Variants in KSR1 observed in about 807,000 individuals in gnomAD.
KSR1 encodes kinase suppressor of ras 1.
In KSR1, 35 loss-of-function variants were observed where a neutral mutation model predicts 92.9. That is an observed-to-expected ratio of 0.38 (90% CI 0.29 to 0.50). The LOEUF is 0.50. Among genes scored for constraint, KSR1 ranks in the 20% least tolerant of loss-of-function variants. KSR1 has a pLI of 0.94. For synonymous variants in KSR1, 467 were observed against 472.6 expected, an observed-to-expected ratio of 0.99 and a Z score of 0.15; for missense variants, 972 against 1,158.5, an observed-to-expected ratio of 0.84 and a Z score of 2.34.
At chr17:27,615,632 G>A (rs1048472344) in intron 18 of KSR1, among the ~76,000 whole-genome samples, 1 of 152,156 alleles carries the variant, frequency 6.6e-6, no homozygotes, top group Admixed American at 6.5e-5. Flanking sequence ...CTGGTTTCTT[G>A]TCGTTGGAAT....
intron 19 of KSR1, among the ~76,000 whole-genome samples, chr17:27,620,401 A>C (rs2074191517): frequency 1.3e-5 from 2 of 152,248 alleles, no homozygotes; most frequent in Non-Finnish European, 2.9e-5. Context: ...CACTGTAATG[A>C]AACCTGCACA....
rs62057795 is a variant in KSR1 at position 27,537,574 on chromosome 17, G to A, written c.232-12994G>A. ...AGCGTGGTGGCGGGCACCTGTAATCGCAGCTACTTGGGAGGCTGAGGTGGG... is the reference window on the plus strand; with the variant it reads ...AGCGTGGTGGCGGGCACCTGTAATCACAGCTACTTGGGAGGCTGAGGTGGG... On this transcript the variant is annotated intron_variant, in intron 1 of 20. Coordinates refer to ENST00000644974, the MANE Select transcript of KSR1 (RefSeq NM_001394583.1). 9.6e-3 allele frequency among the ~76,000 whole-genome samples: 1,457 copies of A among 152,184 alleles called. 18 individuals are homozygous for A. Among genetic ancestry groups the A allele is most frequent in the Non-Finnish European group, 0.015 (1,031 of 68,000 alleles).
At chr17:27,517,884 C>T (rs989933444) in intron 1 of KSR1, among the ~76,000 whole-genome samples, 1 of 152,182 alleles carries the variant, frequency 6.6e-6, no homozygotes, top group South Asian at 2.1e-4. Flanking sequence ...GATTTGGGGA[C>T]TTGGGATGAT....
chr17:27,496,730 G>GGCAGTT (rs1359912181), intron 1 of KSR1, among the ~76,000 whole-genome samples: 2 of 152,214 alleles, frequency 1.3e-5, no homozygotes, highest in African/African-American at 4.8e-5. Context: ...CAGTGGCAGT[G>GGCAGTT]GCCCTCAGGA....
At chr17:27,480,582 G>T (rs909205569) in intron 1 of KSR1, among the ~76,000 whole-genome samples, 1 of 152,060 alleles carries the variant, frequency 6.6e-6, no homozygotes, top group Non-Finnish European at 1.5e-5. Flanking sequence ...ATTTTTAGTA[G>T]AAACAGTGTT....
intron 1 of KSR1, among the ~76,000 whole-genome samples, chr17:27,548,629 A>G (rs2071275801): frequency 6.6e-6 from 1 of 152,198 alleles, no homozygotes; most frequent in Non-Finnish European, 1.5e-5. Context: ...CAGAAGTTGG[A>G]GACCAGCCTG....
chr17:27,617,501 T>A, intron 19 of KSR1, 73 bp downstream of exon 19: 1 of 1,505,208 alleles, frequency 6.6e-7, no homozygotes, highest in African/African-American at 1.4e-5. Context: ...AGAGGGCACC[T>A]TCTGATCTTT....
intron 1 of KSR1, among the ~76,000 whole-genome samples, chr17:27,484,432 A>G (rs2068603652): frequency 6.6e-6 from 1 of 152,188 alleles, no homozygotes; most frequent in Non-Finnish European, 1.5e-5. Flanking sequence ...GAGTTTCACC[A>G]TGTTGCCCAA....
chr17:27,552,619 G>A (rs944058028), intron 2 of KSR1, among the ~76,000 whole-genome samples: 5 of 152,164 alleles, frequency 3.3e-5, no homozygotes, highest in Non-Finnish European at 7.4e-5. Flanking sequence ...GTGCCCCCAG[G>A]GGAGATGGCC....
At chr17:27,583,687 C>A (rs1183888602) in intron 4 of KSR1, among the ~76,000 whole-genome samples, 1 of 152,276 alleles carries the variant, frequency 6.6e-6, no homozygotes, top group Non-Finnish European at 1.5e-5. Flanking sequence ...ACCATACCAT[C>A]TACTCTGTCC....
chr17:27,583,706 G>C (rs1392741535), intron 4 of KSR1, among the ~76,000 whole-genome samples: 5 of 152,232 alleles, frequency 3.3e-5, no homozygotes, highest in African/African-American at 9.6e-5. Context: ...CCCATGACTT[G>C]TTTTTTCAAC....
chr17:27,560,445 C>T (rs1399082615), intron 2 of KSR1: 1 of 518,940 alleles, frequency 1.9e-6, no homozygotes, highest in Admixed American at 1.9e-5. Context: ...ACTGAAGATG[C>T]AGGCGGATCT....
chr17:27,609,204 A>T lies in KSR1; in HGVS notation c.2100A>T (p.Gly700=). 1.2e-6 allele frequency: 2 copies of T among 1,613,718 alleles called. No individual in the cohort carries two copies. The highest frequency in any genetic ancestry group is 1.7e-6 in the Non-Finnish European group (2 of 1,179,676). Residue 700 remains glycine (G), a synonymous_variant, in exon 16 of 21, where the codon GGA becomes GGT. Transcript: ENST00000644974. The part of the protein sequence containing the change: ...QIAQEIIKGM[G]YLHAKGIVHK... The stretch of plus-strand genomic sequence containing the variant: ...CCTGATGTGTCCTCCAGGGCATGGG[A>T]TATCTTCATGCCAAGGGCATCGTAC...
At chr17:27,514,056 T>C (rs1410153837) in intron 1 of KSR1, among the ~76,000 whole-genome samples, 1 of 152,240 alleles carries the variant, frequency 6.6e-6, no homozygotes, top group African/African-American at 2.4e-5. Flanking sequence ...AAAGGTCCCA[T>C]TGTGGCGCTA....
intron 2 of KSR1, chr17:27,558,166 G>A (rs544215343): frequency 1.4e-4 from 22 of 152,672 alleles, no homozygotes; most frequent in Non-Finnish European, 2.5e-4. Context: ...TCCACTTCGC[G>A]GGGATAACAC....
intron 1 of KSR1, among the ~76,000 whole-genome samples, chr17:27,494,713 A>C (rs2068927661): frequency 6.6e-6 from 1 of 152,208 alleles, no homozygotes; most frequent in Non-Finnish European, 1.5e-5. Context: ...ACTAGACAAA[A>C]AATCTTGATG....
At chr17:27,546,915 C>T (rs907088859) in intron 1 of KSR1, among the ~76,000 whole-genome samples, 1 of 152,146 alleles carries the variant, frequency 6.6e-6, no homozygotes, top group African/African-American at 2.4e-5. Context: ...TGAACCTCAG[C>T]AGTGTGTTTG....
intron 20 of KSR1, chr17:27,621,906 C>T (rs776577262): frequency 3.7e-6 from 6 of 1,613,338 alleles, no homozygotes; most frequent in Non-Finnish European, 5.1e-6. Context: ...CTGTTCTTTG[C>T]TTTCTTCTCT....
intron 2 of KSR1, among the ~76,000 whole-genome samples, chr17:27,573,411 A>T (rs1315501803): frequency 5.9e-5 from 9 of 152,216 alleles, no homozygotes; most frequent in Non-Finnish European, 1.2e-4. Context: ...AGTTTAGCCT[A>T]GAGCTACCTC....
Sources: allele counts gnomAD v4.1 joint callset (sites outside exome capture counted in the v4.1 genomes callset), GRCh38; gene constraint gnomAD v4.1.1; transcripts MANE v1.5; gene names NCBI Gene and HGNC (gene_info 2026-07-23, HGNC 2026-07-21).